Variants in FRRS1 observed in about 807,000 individuals in gnomAD.
FRRS1 encodes the protein ferric chelate reductase 1.
FRRS1 carries 51 observed loss-of-function variants against 70.7 expected under a neutral mutation model. The observed-to-expected ratio is 0.72, with a 90% confidence interval of 0.58 to 0.91. The LOEUF (loss-of-function observed/expected upper bound fraction) is 0.91, where lower values mean the gene tolerates loss of function less well. Among genes scored for constraint, FRRS1 ranks in the 40% least tolerant of loss-of-function variants. The probability of loss-of-function intolerance (pLI) is 0.00; values close to 1 mark genes in which losing one functional copy is unlikely to be tolerated. For missense variants in FRRS1, 672 were observed against 726.0 expected (o/e 0.93, Z 0.86); for synonymous variants, 225 against 238.7 (o/e 0.94, Z 0.53).
intron 7 of FRRS1, among the ~76,000 whole-genome samples, chr1:99,734,823 G>C (rs114082770): frequency 0.04 from 6,017 of 152,174 alleles, 397 homozygotes; most frequent in African/African-American, 0.14. Context: ...ATGTTGCTTT[G>C]TGCTGTCCAG....
At chr1:99,710,327 A>G (rs1420735499) in intron 15 of FRRS1, among the ~76,000 whole-genome samples, 1 of 150,768 alleles carries the variant, frequency 6.6e-6, no homozygotes, top group East Asian at 1.9e-4. Context: ...GTCACTAAAG[A>G]GCAAAAGCAA....
intron 7 of FRRS1, among the ~76,000 whole-genome samples, chr1:99,731,132 A>G (rs1005948383): frequency 6.6e-6 from 1 of 152,224 alleles, no homozygotes; most frequent in South Asian, 2.1e-4. Context: ...ATACCAAAAA[A>G]GAAGCAGACT....
At chr1:99,726,196 C>A (rs1001037686) in intron 9 of FRRS1, among the ~76,000 whole-genome samples, 19 of 152,188 alleles carry the variant, frequency 1.2e-4, no homozygotes, top group African/African-American at 4.3e-4. Flanking sequence ...CTCTCTCTCT[C>A]CTGTCACCAT....
chr1:99,725,965 C>T (rs529585272), intron 9 of FRRS1, among the ~76,000 whole-genome samples: 1 of 152,302 alleles, frequency 6.6e-6, no homozygotes, highest in East Asian at 1.9e-4. Context: ...AATCAATAAT[C>T]ATTTATGAAG....
chr1:99,761,018 G>GA (rs1557711023), intron 1 of FRRS1, among the ~76,000 whole-genome samples: 2 of 151,654 alleles, frequency 1.3e-5, no homozygotes. Context: ...GGGAAAGGAA[G>GA]AAAAAAACAC....
rs148722252 is a variant in FRRS1 at position 99,720,350 on chromosome 1, T to C, written c.1007-703A>G. Among the ~76,000 whole-genome samples the C allele has an allele frequency of 2.6e-3, 399 of 152,296 alleles. 4 individuals are homozygous for C. Among genetic ancestry groups the C allele is most frequent in the African/African-American group, 9.4e-3 (390 of 41,572 alleles). ...AAAGATATATGTACAGGAATGTTTA[T>C]AGCAATGTTTTCTATGCTGGCAAAA... On this transcript the variant is annotated intron_variant, in intron 9 of 16. Coordinates refer to ENST00000646001, the MANE Select transcript of FRRS1 (RefSeq NM_001361041.2).
intron 7 of FRRS1, 55 bp from the exon 8 acceptor site, chr1:99,729,803 T>C: frequency 3.3e-6 from 4 of 1,198,100 alleles, no homozygotes; most frequent in Non-Finnish European, 4.9e-6. Flanking sequence ...AGCATTTTAT[T>C]TTCTCTTTTT....
At chr1:99,758,155 C>T (rs938549112) in intron 1 of FRRS1, among the ~76,000 whole-genome samples, 4 of 152,210 alleles carry the variant, frequency 2.6e-5, no homozygotes, top group Non-Finnish European at 4.4e-5. Flanking sequence ...TGGCACTTTA[C>T]ATAAGATAAG....
chr1:99,725,886 T>C (rs367651858), intron 9 of FRRS1, among the ~76,000 whole-genome samples: 1 of 152,238 alleles, frequency 6.6e-6, no homozygotes, highest in African/African-American at 2.4e-5. Context: ...CTCTAAAGTA[T>C]AATTTTAAGT....
At chr1:99,746,812 T>C (rs966109014) in intron 4 of FRRS1, among the ~76,000 whole-genome samples, 15 of 152,174 alleles carry the variant, frequency 9.9e-5, no homozygotes, top group African/African-American at 3.6e-4. Flanking sequence ...GAAACATTTT[T>C]AAGAAAACGA....
In FRRS1 at chr1:99,742,241, T is replaced by C. The variant is rs1319091006; in HGVS notation, c.366A>G (p.Lys122=). Residue 122 remains lysine, a synonymous_variant, in exon 5 of 17, where the codon AAA becomes AAG. Coordinates refer to ENST00000646001, the MANE Select transcript of FRRS1 (RefSeq NM_001361041.2). ...TCCAGTAGACTTTAATTTCTGTTTTTTTAGATGCACTTCTGTGACTCACTG... is the reference window on the plus strand; with the variant it reads ...TCCAGTAGACTTTAATTTCTGTTTTCTTAGATGCACTTCTGTGACTCACTG... ...GSAVSHRSAS[K]KTEIKVYWNA... 3 of 1,611,782 alleles carry C rather than the reference T, an allele frequency of 1.9e-6. No individual in the cohort carries two copies. Among genetic ancestry groups the C allele is most frequent in the Non-Finnish European group, 2.5e-6 (3 of 1,177,850 alleles).
At chr1:99,756,803 C>T (rs953066636) in intron 1 of FRRS1, among the ~76,000 whole-genome samples, 1 of 152,110 alleles carries the variant, frequency 6.6e-6, no homozygotes, top group Non-Finnish European at 1.5e-5. Flanking sequence ...AGTTATATTG[C>T]ATTCAAGTTC....
chr1:99,756,166 T>A lies in FRRS1; in HGVS notation c.-105-7165A>T, dbSNP rs376588397. 2.0e-5 allele frequency among the ~76,000 whole-genome samples: 3 copies of A among 152,286 alleles called. No homozygotes were observed. In the East Asian group the frequency reaches 5.8e-4, roughly 29 times the overall value. On this transcript the variant is annotated intron_variant, in intron 1 of 16. Transcript: ENST00000646001. ...CCTTTAAGCACAGAAAGGACTCCTA[T>A]CAATTATGCATGATTTTCTTAAATT...
chr1:99,742,291 A>C lies in FRRS1; in HGVS notation c.334-18T>G. 2 of 1,487,806 alleles carry C rather than the reference A, an allele frequency of 1.3e-6. No homozygotes were observed. The highest frequency in any genetic ancestry group is 1.9e-6 in the Non-Finnish European group (2 of 1,065,460). 92.2% of individuals were successfully genotyped at this position (1,487,806 alleles called of 1,614,324 possible). ...GCTGATCCCTGAAATAAAAGGGAAA[A>C]GAGCTACCATTCAGTCACTCAATAG... On this transcript the variant is annotated intron_variant, in intron 4 of 16. Transcript: ENST00000646001.
chr1:99,748,734 A>G lies in FRRS1; in HGVS notation c.35T>C (p.Ile12Thr), dbSNP rs1267098755. ...CACATAACTAATGTGCAACAGAAGT[A>G]TGCAGGTACCAAGAGTAAATCCAGA... ...AVSGFTLGTCILLLHISYVAN... is the reference protein window; with the variant it reads ...AVSGFTLGTCTLLLHISYVAN... Residue 12 changes from isoleucine (I) to threonine (T), a missense_variant, in exon 3 of 17, where the codon ATA becomes ACA. By Grantham distance (89) the Ile-to-Thr change is moderately conservative (BLOSUM62 -1). Transcript: ENST00000646001. 5 of 1,614,064 alleles carry G rather than the reference A, an allele frequency of 3.1e-6. No homozygotes were observed. The highest frequency in any genetic ancestry group is 1.3e-5 in the African/African-American group (1 of 75,064).
chr1:99,740,934 T>C lies in FRRS1; in HGVS notation c.435A>G (p.Thr145=), dbSNP rs751502457. The change falls in exon 6 of 17, where the codon ACA becomes ACG. Residue 145 remains threonine (T), a synonymous_variant. Transcript: ENST00000646001. ...AGTAGATTTTATACTTCTCAACAAC[T>C]GTGACTCTGAAATGCAATACCAGTG... ...SAPNHTQFLV[T]VVEKYKIYWV... 6.2e-7 allele frequency: 1 copy of C among 1,611,412 alleles called. No homozygotes were observed. The highest frequency in any genetic ancestry group is 8.5e-7 in the Non-Finnish European group (1 of 1,177,562).
chr1:99,749,558 C>T (rs1380463493), intron 1 of FRRS1, among the ~76,000 whole-genome samples: 2 of 152,198 alleles, frequency 1.3e-5, no homozygotes, highest in African/African-American at 4.8e-5. Flanking sequence ...TCCTATTAAA[C>T]TGATCATGAT....
chr1:99,718,122 T>A (rs556319336), intron 10 of FRRS1, among the ~76,000 whole-genome samples: 153 of 152,356 alleles, frequency 1.0e-3, no homozygotes, highest in Non-Finnish European at 1.8e-3. Context: ...AAAACTTTAC[T>A]ATAATGGATA....
chr1:99,715,698 A>G, intron 11 of FRRS1, 26 bp from the exon 12 acceptor site: 1 of 1,516,306 alleles, frequency 6.6e-7, no homozygotes, highest in Non-Finnish European at 9.2e-7. Context: ...ACAAATTAAG[A>G]AGACACTTAT....
Sources: gnomAD v4.1 joint callset for allele counts (sites outside exome capture counted in the v4.1 genomes callset) on GRCh38, gnomAD v4.1.1 for gene constraint, MANE v1.5 for transcripts, NCBI Gene and HGNC (gene_info 2026-07-23, HGNC 2026-07-21) for gene names.